The following THSD7B variants were observed in gnomAD, a reference collection of about 807,000 sequenced individuals.
THSD7B encodes the protein thrombospondin type 1 domain containing 7B, also known as thrombospondin type-1 domain-containing protein 7B.
A neutral mutation model predicts 213.6 loss-of-function variants in THSD7B; 138 were observed. The ratio of observed to expected loss-of-function variants is 0.65; its 90% CI spans 0.56 to 0.74. The LOEUF (loss-of-function observed/expected upper bound fraction) is 0.74. Ranked by LOEUF, THSD7B falls within the 30% of genes least tolerant of loss-of-function variation. THSD7B has a pLI of 0.00. For synonymous variants in THSD7B, 742 were observed against 687.0 expected, an observed-to-expected ratio of 1.08 and a Z score of -1.25; for missense variants, 1,931 against 1,991.5, an observed-to-expected ratio of 0.97 and a Z score of 0.58.
chr2:137,483,330 CA>C (rs1211198155), intron 15 of THSD7B, among the ~76,000 whole-genome samples: 1 of 152,196 alleles, frequency 6.6e-6, no homozygotes, highest in Non-Finnish European at 1.5e-5. Context: ...CTGAAAGTTA[CA>C]TAACTAATAA....
At chr2:136,890,303 C>CCTCCTCCTCTTCTT (rs1553455794) in intron 2 of THSD7B, among the ~76,000 whole-genome samples, 1 of 5,162 alleles carries the variant, frequency 1.9e-4, no homozygotes, top group African/African-American at 5.7e-4. Flanking sequence ...ATGTCCTACT[C>CCTCCTCCTCTTCTT]CTTCTTCTTC....
At chr2:137,318,708 G>A (rs1208329989) in intron 12 of THSD7B, among the ~76,000 whole-genome samples, 1 of 150,840 alleles carries the variant, frequency 6.6e-6, no homozygotes, top group African/African-American at 2.4e-5. Flanking sequence ...CTATACTTAA[G>A]AGCTTTGTAA....
At chr2:137,564,323 A>G (rs143423999) in intron 16 of THSD7B, among the ~76,000 whole-genome samples, 159 of 152,294 alleles carry the variant, frequency 1.0e-3, no homozygotes, top group African/African-American at 3.7e-3. Context: ...CTCACTATTT[A>G]TGACAGTCTC....
intron 2 of THSD7B, among the ~76,000 whole-genome samples, chr2:137,003,108 G>A (rs1314501003): frequency 3.9e-5 from 6 of 152,130 alleles, no homozygotes; most frequent in Non-Finnish European, 2.9e-5. Flanking sequence ...TTGTAAGTCA[G>A]GTAATAAGGG....
chr2:136,827,713 A>T (rs1212991960), intron 1 of THSD7B, among the ~76,000 whole-genome samples: 1 of 152,172 alleles, frequency 6.6e-6, no homozygotes, highest in Non-Finnish European at 1.5e-5. Flanking sequence ...GCTTACAAAG[A>T]TGTAACCATT....
At chr2:137,620,571 A>T (rs545628692) in intron 19 of THSD7B, 38 bp from the exon 20 acceptor site, 1 of 1,517,402 alleles carries the variant, frequency 6.6e-7, no homozygotes, top group South Asian at 1.1e-5. Context: ...CTAAAGAGTG[A>T]TTTCTCCAAT....
intron 1 of THSD7B, among the ~76,000 whole-genome samples, chr2:136,783,815 G>C (rs1681790211): frequency 6.6e-6 from 1 of 152,156 alleles, no homozygotes; most frequent in East Asian, 1.9e-4. Context: ...AGGACCCACT[G>C]TTTCATCACC....
At chr2:137,304,477 G>C (rs1191570466) in intron 12 of THSD7B, among the ~76,000 whole-genome samples, 1 of 152,048 alleles carries the variant, frequency 6.6e-6, no homozygotes, top group Non-Finnish European at 1.5e-5. Flanking sequence ...GGGAAAGCTT[G>C]ATTTGAAAGC....
chr2:137,349,456 G>A lies in THSD7B; in HGVS notation c.2501-56157G>A, dbSNP rs576732369. Among the ~76,000 whole-genome samples the A allele has an allele frequency of 5.5e-4, 83 of 151,860 alleles. No homozygotes were observed. In the Middle Eastern group the frequency reaches 0.024, roughly 44 times the overall value. On this transcript the variant is annotated intron_variant, in intron 12 of 27. Coordinates refer to ENST00000409968, the MANE Select transcript of THSD7B (RefSeq NM_001316349.2). Reference sequence around the variant, plus strand: ...TATGCAAAGTGCATAAAAATCCTTAGCAATTTGTTAAATAATGTGTCAGAT... The same window carrying A: ...TATGCAAAGTGCATAAAAATCCTTAACAATTTGTTAAATAATGTGTCAGAT...
intron 12 of THSD7B, among the ~76,000 whole-genome samples, chr2:137,307,796 G>A (rs1468885954): frequency 6.6e-6 from 1 of 152,100 alleles, no homozygotes; most frequent in Non-Finnish European, 1.5e-5. Context: ...AGATTAGCAT[G>A]TATTTCAGGA....
intron 2 of THSD7B, among the ~76,000 whole-genome samples, chr2:136,972,158 C>T (rs1685415986): frequency 6.6e-6 from 1 of 152,112 alleles, no homozygotes; most frequent in African/African-American, 2.4e-5. Context: ...GACAGAGTCT[C>T]AGACCCAGGG....
At chr2:136,778,092 C>T (rs938200947) in intron 1 of THSD7B, among the ~76,000 whole-genome samples, 1 of 152,152 alleles carries the variant, frequency 6.6e-6, no homozygotes, top group African/African-American at 2.4e-5. Flanking sequence ...ATGGAATTAT[C>T]ATGGAAATAA....
intron 2 of THSD7B, among the ~76,000 whole-genome samples, chr2:137,023,085 T>C (rs1334184377): frequency 1.3e-5 from 2 of 152,028 alleles, no homozygotes; most frequent in Non-Finnish European, 2.9e-5. Context: ...GAAAACACCA[T>C]AGGTACTTTA....
At chr2:137,342,926 A>C (rs922892291) in intron 12 of THSD7B, among the ~76,000 whole-genome samples, 2 of 151,672 alleles carry the variant, frequency 1.3e-5, no homozygotes, top group African/African-American at 4.8e-5. Flanking sequence ...TGTTGAATTC[A>C]GTTTGCAAGT....
intron 2 of THSD7B, among the ~76,000 whole-genome samples, chr2:137,027,982 C>A (rs922702274): frequency 6.6e-6 from 1 of 152,108 alleles, no homozygotes; most frequent in African/African-American, 2.4e-5. Context: ...GTTCCCTGCA[C>A]ATAATAAGCA....
At chr2:137,448,150 G>A (rs923966169) in intron 14 of THSD7B, among the ~76,000 whole-genome samples, 1 of 152,216 alleles carries the variant, frequency 6.6e-6, no homozygotes, top group Admixed American at 6.5e-5. Flanking sequence ...GAAACTGGTT[G>A]AAGATAGAGT....
chr2:137,007,713 G>A (rs762339392), intron 2 of THSD7B, among the ~76,000 whole-genome samples: 6 of 151,276 alleles, frequency 4.0e-5, no homozygotes, highest in African/African-American at 1.5e-4. Flanking sequence ...AGAGATTAAG[G>A]CATACACAGA....
intron 12 of THSD7B, among the ~76,000 whole-genome samples, chr2:137,327,775 T>TATCTA (rs1684404993): frequency 1.3e-5 from 2 of 152,226 alleles, no homozygotes; most frequent in Non-Finnish European, 2.9e-5. Flanking sequence ...ATAATAAAAT[T>TATCTA]AGTTATACTT....
intron 12 of THSD7B, among the ~76,000 whole-genome samples, chr2:137,363,305 C>A (rs1218288395): frequency 4.0e-5 from 6 of 151,820 alleles, no homozygotes; most frequent in Non-Finnish European, 7.4e-5. Flanking sequence ...AAATCGACAC[C>A]CTAACATCAC....
Sources: allele counts gnomAD v4.1 joint callset (sites outside exome capture counted in the v4.1 genomes callset), GRCh38; gene constraint gnomAD v4.1.1; transcripts MANE v1.5; gene names NCBI Gene and HGNC (gene_info 2026-07-23, HGNC 2026-07-21).